The following CNTN1 variants were observed in gnomAD, a reference collection of about 807,000 sequenced individuals.
The protein encoded by CNTN1 is contactin 1, also known as contactin-1.
Under a neutral mutation model 126.4 loss-of-function variants are expected in CNTN1, and 38 were observed. That is an observed-to-expected ratio of 0.30 (90% CI 0.23 to 0.39). The LOEUF (loss-of-function observed/expected upper bound fraction) is 0.39, where lower values mean the gene tolerates loss of function less well. Among genes scored for constraint, CNTN1 ranks in the 10% least tolerant of loss-of-function variants. CNTN1 has a pLI of 1.00. For missense variants in CNTN1, 1,009 were observed against 1,248.4 expected (o/e 0.81, Z 2.89); for synonymous variants, 413 against 422.6 (o/e 0.98, Z 0.28).
chr12:40,968,005 A>C (rs898481866), intron 15 of CNTN1, among the ~76,000 whole-genome samples: 20 of 151,732 alleles, frequency 1.3e-4, no homozygotes, highest in African/African-American at 4.8e-4. Context: ...TATAACATTT[A>C]TTAAAGACAT....
In CNTN1 at chr12:40,980,510, T is replaced by A. The variant is rs149113986; in HGVS notation, c.1805-399T>A. ...TGTGTTCAGTTCTGGGGAGGCAGAA[T>A]GACAATAGACCAAATGTTCCCATAT... On this transcript the variant is annotated intron_variant, in intron 15 of 23. Coordinates refer to ENST00000551295, the MANE Select transcript of CNTN1 (RefSeq NM_001843.4). 2.0e-3 allele frequency among the ~76,000 whole-genome samples: 305 copies of A among 150,486 alleles called. 4 individuals are homozygous for A. Among genetic ancestry groups the A allele is most frequent in the Admixed American group, 0.018 (267 of 15,124 alleles).
chr12:40,836,640 A>G (rs1168832112), intron 1 of CNTN1, among the ~76,000 whole-genome samples: 3 of 152,216 alleles, frequency 2.0e-5, no homozygotes, highest in Admixed American at 6.5e-5. Context: ...TAACTTCCTC[A>G]ATGAAGAAAT....
rs1347091301 is a variant in CNTN1, at chr12:40,959,160, A to T, written c.1730A>T (p.His577Leu). Residue 577 changes from histidine to leucine, a missense_variant, in exon 15 of 24, where the codon CAT becomes CTT. Physicochemically the swap from His to Leu is moderately conservative, Grantham distance 99. Coordinates refer to ENST00000551295, the MANE Select transcript of CNTN1 (RefSeq NM_001843.4). ...ELLIRNAQLKHAGRYTCTAQT... is the reference protein window; with the variant it reads ...ELLIRNAQLKLAGRYTCTAQT... Reference sequence around the variant, plus strand: ...CTAATCCGAAATGCGCAGCTGAAACATGCTGGAAGATACACATGCACTGCC... The same window carrying T: ...CTAATCCGAAATGCGCAGCTGAAACTTGCTGGAAGATACACATGCACTGCC... 1.2e-6 allele frequency: 2 copies of T among 1,612,772 alleles called. No homozygotes were observed. The highest frequency in any genetic ancestry group is 1.3e-5 in the African/African-American group (1 of 74,974).
At chr12:40,952,980 A>G (rs1946744335) in intron 14 of CNTN1, among the ~76,000 whole-genome samples, 2 of 152,182 alleles carry the variant, frequency 1.3e-5, no homozygotes, top group Non-Finnish European at 2.9e-5. Flanking sequence ...AATGACAATT[A>G]TGAGCTCTAA....
At chr12:40,757,796 TTAAG>T (rs1311376185) in intron 1 of CNTN1, among the ~76,000 whole-genome samples, 1 of 152,190 alleles carries the variant, frequency 6.6e-6, no homozygotes, top group East Asian at 1.9e-4. Context: ...TTTATCTATC[TTAAG>T]TTAGTCTTTC....
intron 1 of CNTN1, among the ~76,000 whole-genome samples, chr12:40,863,668 G>A (rs1273623088): frequency 2.6e-5 from 4 of 152,118 alleles, no homozygotes; most frequent in African/African-American, 7.2e-5. Context: ...GTCAATAGTA[G>A]CATTAGATTC....
chr12:40,740,266 G>A (rs1033416722), intron 1 of CNTN1, among the ~76,000 whole-genome samples: 5 of 152,016 alleles, frequency 3.3e-5, no homozygotes, highest in African/African-American at 1.2e-4. Context: ...GTAAAATTGT[G>A]TCAATCATTG....
rs139221677 is a variant in CNTN1 at position 40,886,342 on chromosome 12, A to C, written c.-76-22015A>C. 6.2e-4 allele frequency among the ~76,000 whole-genome samples: 95 copies of C among 152,220 alleles called. No homozygotes were observed. The East Asian group carries it at 0.015, about 23-fold the overall frequency. ...TTCCCATGGACTTAACATAATATTGATCTATCAAATCCTGTGTGTTGGTTT... is the reference window on the plus strand; with the variant it reads ...TTCCCATGGACTTAACATAATATTGCTCTATCAAATCCTGTGTGTTGGTTT... On this transcript the variant is annotated intron_variant, in intron 1 of 23. Coordinates refer to ENST00000551295, the MANE Select transcript of CNTN1 (RefSeq NM_001843.4).
At chr12:40,698,933 T>TCCCATGTTC (rs796151771) in intron 1 of CNTN1, among the ~76,000 whole-genome samples, 3 of 152,278 alleles carry the variant, frequency 2.0e-5, no homozygotes, top group African/African-American at 7.2e-5. Context: ...CGCAACACCC[T>TCCCATGTTC]CCCATGTTCC....
intron 1 of CNTN1, among the ~76,000 whole-genome samples, chr12:40,717,048 T>C (rs989321450): frequency 1.3e-5 from 2 of 150,378 alleles, no homozygotes; most frequent in African/African-American, 4.9e-5. Context: ...CATATTTTTA[T>C]GTAACCCTCA....
chr12:40,886,791 G>A (rs1183304448), intron 1 of CNTN1, among the ~76,000 whole-genome samples: 1 of 152,084 alleles, frequency 6.6e-6, no homozygotes, highest in East Asian at 1.9e-4. Context: ...CATATGGCTA[G>A]CCAGTTTTCC....
At chr12:40,829,546 C>T (rs1429674026) in intron 1 of CNTN1, among the ~76,000 whole-genome samples, 1 of 151,882 alleles carries the variant, frequency 6.6e-6, no homozygotes, top group East Asian at 1.9e-4. Flanking sequence ...ATAATAAGAG[C>T]ACAGCATAAA....
intron 18 of CNTN1, among the ~76,000 whole-genome samples, chr12:41,015,166 G>C (rs1468062933): frequency 6.8e-6 from 1 of 148,038 alleles, no homozygotes; most frequent in African/African-American, 2.5e-5. Flanking sequence ...TCTATACTTA[G>C]CATTTAAATC....
At chr12:41,059,948 C>T (rs1368463962) in intron 23 of CNTN1, among the ~76,000 whole-genome samples, 26 of 152,000 alleles carry the variant, frequency 1.7e-4, no homozygotes, top group Non-Finnish European at 1.2e-4. Context: ...ATCACTTGAG[C>T]CTGGGAAGTA....
intron 1 of CNTN1, among the ~76,000 whole-genome samples, chr12:40,841,301 A>G (rs953229055): frequency 1.3e-5 from 2 of 152,068 alleles, no homozygotes; most frequent in Non-Finnish European, 2.9e-5. Flanking sequence ...AAGTCTCTCA[A>G]CATAGAAAAA....
At chr12:40,719,818 G>A (rs1342687050) in intron 1 of CNTN1, among the ~76,000 whole-genome samples, 4 of 151,998 alleles carry the variant, frequency 2.6e-5, no homozygotes, top group Non-Finnish European at 4.4e-5. Flanking sequence ...CGAATAGTTC[G>A]ACATTCATCA....
At chr12:40,765,798 A>AT (rs2136423688) in intron 1 of CNTN1, among the ~76,000 whole-genome samples, 1 of 152,152 alleles carries the variant, frequency 6.6e-6, no homozygotes, top group African/African-American at 2.4e-5. Context: ...AAATTCACAC[A>AT]TTTATCAATC....
intron 16 of CNTN1, among the ~76,000 whole-genome samples, chr12:40,986,667 C>T (rs1947961037): frequency 6.6e-6 from 1 of 152,104 alleles, no homozygotes; most frequent in African/African-American, 2.4e-5. Flanking sequence ...TTCAACAGGT[C>T]CAAAGCACCT....
At chr12:40,802,399 A>T (rs1793398153) in intron 1 of CNTN1, among the ~76,000 whole-genome samples, 1 of 152,022 alleles carries the variant, frequency 6.6e-6, no homozygotes, top group African/African-American at 2.4e-5. Flanking sequence ...ACTTAAAGGT[A>T]GAAAAAATAT....
Sources: gnomAD v4.1 joint callset for allele counts (sites outside exome capture counted in the v4.1 genomes callset) on GRCh38, gnomAD v4.1.1 for gene constraint, MANE v1.5 for transcripts, NCBI Gene and HGNC (gene_info 2026-07-23, HGNC 2026-07-21) for gene names.